The following MCM7 variants were observed in gnomAD, a reference collection of about 807,000 sequenced individuals.
The protein encoded by MCM7 is DNA replication licensing factor MCM7.
In MCM7, 95 loss-of-function variants were observed where a neutral mutation model predicts 83.5. The ratio of observed to expected loss-of-function variants is 1.14; its 90% CI spans 0.96 to 1.35. The LOEUF (loss-of-function observed/expected upper bound fraction) is 1.35. MCM7 is among the 40% of genes most tolerant of loss of function. The pLI, the probability that MCM7 is intolerant of heterozygous loss-of-function variation, is 0.00. For synonymous variants in MCM7, 461 were observed against 352.7 expected, an observed-to-expected ratio of 1.31 and a Z score of -3.44; for missense variants, 1,087 against 957.4, an observed-to-expected ratio of 1.14 and a Z score of -1.79.
In MCM7 at chr7:100,098,638, C is replaced by T; in HGVS notation, c.660G>A (p.Leu220=). 3.7e-6 allele frequency: 6 copies of T among 1,614,198 alleles called. No homozygotes were observed. The highest frequency in any genetic ancestry group is 4.2e-6 in the Non-Finnish European group (5 of 1,180,046). Residue 220 remains leucine (L), a synonymous_variant, in exon 6 of 15, where the codon CTG becomes CTA. Coordinates refer to ENST00000303887, the MANE Select transcript of MCM7 (RefSeq NM_005916.5). ...ATCTGGAGCCCCGTGTCTGCAGATA[C>T]AGCCGCCCTCCTGAGCGGTTGGTTT... is the stretch of plus-strand genomic sequence containing the variant. ...ECQTNRSGGR[L]YLQTRGSRFI...
At position 100,100,102 on chromosome 7, in the gene MCM7, T is replaced by A. The variant is rs1372123635; in HGVS notation, c.32-9A>T. ...GAACTTCTTAACCTTTTCTGTAACA[T>A]GAAATGTAAAACCGTAAGACACAAA... On this transcript the variant is annotated splice_polypyrimidine_tract_variant and intron_variant, in intron 1 of 14. Coordinates refer to ENST00000303887, the MANE Select transcript of MCM7 (RefSeq NM_005916.5). 1 of 1,613,512 alleles carries A rather than the reference T, an allele frequency of 6.2e-7. No homozygotes were observed. Among genetic ancestry groups the A allele is most frequent in the Non-Finnish European group, 8.5e-7 (1 of 1,179,702 alleles).
At chr7:100,098,908 C>T (rs374784810) in intron 5 of MCM7, 115 bp downstream of exon 5, 18 of 1,446,054 alleles carry the variant, frequency 1.2e-5, no homozygotes, top group African/African-American at 2.8e-5. Context: ...GAATGAAAGG[C>T]GAACACACAG....
chr7:100,094,149 C>G (rs1795490094), intron 13 of MCM7, 24 bp downstream of exon 13: 1 of 1,613,866 alleles, frequency 6.2e-7, no homozygotes, highest in African/African-American at 1.3e-5. Flanking sequence ...AAACAGATGG[C>G]CCTCCAGCAA....
At chr7:100,096,871 G>A (rs986612851) in intron 10 of MCM7, among the ~76,000 whole-genome samples, 4 of 152,230 alleles carry the variant, frequency 2.6e-5, no homozygotes, top group African/African-American at 4.8e-5. Context: ...GGGAGGCCGA[G>A]GCGGGCGGAT....
rs370088298 is a variant in MCM7, at chr7:100,094,161, T to C, written c.1848+12A>G. On this transcript the variant is annotated intron_variant, in intron 13 of 14. Transcript: ENST00000303887. ...TCAAAACAGATGGCCCTCCAGCAAT[T>C]TGGGCACTTACCAGAGCAGTGGAAA... 4 of 1,613,902 alleles carry C rather than the reference T, an allele frequency of 2.5e-6. No individual in the cohort carries two copies. Among genetic ancestry groups the C allele is most frequent in the African/African-American group, 2.7e-5 (2 of 74,880 alleles).
At chr7:100,098,442 C>T in intron 6 of MCM7, 136 bp downstream of exon 6, 2 of 1,497,082 alleles carry the variant, frequency 1.3e-6, no homozygotes, top group South Asian at 1.3e-5. Flanking sequence ...TCCCAAGGCT[C>T]CCAGGAAATT....
intron 13 of MCM7, 32 bp from the exon 14 acceptor site, chr7:100,093,433 C>G (rs781636530): frequency 2.5e-6 from 4 of 1,595,120 alleles, no homozygotes; most frequent in Non-Finnish European, 3.4e-6. Flanking sequence ...AAGATGGGAA[C>G]GGGAGGAGGG....
At chr7:100,095,274 T>A in intron 12 of MCM7, 113 bp downstream of exon 12, 1 of 886,188 alleles carries the variant, frequency 1.1e-6, no homozygotes, top group Non-Finnish European at 1.8e-6. Context: ...TGGACATGTC[T>A]GTAGCGGGAA....
rs1795864957 is a variant in MCM7 at position 100,099,917 on chromosome 7, C to T, written c.111+97G>A. The T allele has an allele frequency of 4.2e-6, 6 of 1,436,762 alleles. No homozygotes were observed. The African/African-American group carries it at 5.6e-5, about 13-fold the overall frequency. The allele number at this position is 1,436,762 out of a possible 1,614,324, so 89.0% of individuals were successfully genotyped here. On this transcript the variant is annotated intron_variant, in intron 2 of 14. Transcript: ENST00000303887. ...ATACTCGCTTTTCAGCCCTCAAACC[C>T]TCTAATTGTTATGTCTTTAATAAAA...
Position 100,092,866 on chromosome 7 carries a change from C to G in MCM7, c.*66G>C. 1.9e-6 allele frequency: 3 copies of G among 1,563,950 alleles called. No homozygotes were observed. The highest frequency in any genetic ancestry group is 2.6e-6 in the Non-Finnish European group (3 of 1,135,204). ...CTCCTCCTTCCCCTCAAAGGCATCA[C>G]TGCCCCTTCCCAAGGGGCAGGCCAG... On this transcript the variant is annotated 3_prime_UTR_variant, in exon 15 of 15. Transcript: ENST00000303887.
intron 1 of MCM7, chr7:100,100,645 GC>G: frequency 1.0e-6 from 1 of 989,758 alleles, no homozygotes; most frequent in Non-Finnish European, 1.2e-6. Context: ...CGCGATCCCA[GC>G]CCACTGCCGC....
In MCM7 at chr7:100,098,123, T is replaced by G. The variant is rs200384511; in HGVS notation, c.870+18A>C. On this transcript the variant is annotated intron_variant, in intron 7 of 14. Coordinates refer to ENST00000303887, the MANE Select transcript of MCM7 (RefSeq NM_005916.5). ...GGAAAAGGGGATGATCCATTCCTCA[T>G]GTCAAACTCTTCCTTACCTGTACCA... The G allele has an allele frequency of 5.0e-6, 8 of 1,613,436 alleles. No individual in the cohort carries two copies. Among genetic ancestry groups the G allele is most frequent in the Non-Finnish European group, 5.9e-6 (7 of 1,179,548 alleles).
At chr7:100,099,796 C>A (rs753854860) in intron 2 of MCM7, 43 bp from the exon 3 acceptor site, 1 of 1,607,478 alleles carries the variant, frequency 6.2e-7, no homozygotes, top group South Asian at 1.1e-5. Flanking sequence ...GCCACATTCA[C>A]TTTGCTCACC....
chr7:100,098,472 G>C, intron 6 of MCM7, 106 bp downstream of exon 6: 1 of 1,547,594 alleles, frequency 6.5e-7, no homozygotes, highest in Non-Finnish European at 8.8e-7. Flanking sequence ...CCTCCCTCCT[G>C]CACTTCCCTC....
At chr7:100,093,904 C>T (rs1228085906) in intron 13 of MCM7, 2 of 686,876 alleles carry the variant, frequency 2.9e-6, no homozygotes, top group Non-Finnish European at 2.8e-6. Flanking sequence ...GGATCTAGGA[C>T]ACATGGAGTG....
In MCM7 at chr7:100,093,348, G is replaced by A. The variant is rs1795422590; in HGVS notation, c.1902C>T (p.Ile634=). The change falls in exon 14 of 15, where the codon ATC becomes ATT. Residue 634 remains isoleucine, a synonymous_variant. Transcript: ENST00000303887. ...AGTCCTTTGACATCTCCATTAGCCT[G>A]ATGGCTTCATTCACATCTTCTTTCT... ...VVEKEDVNEA[I]RLMEMSKDSL... The A allele has an allele frequency of 1.2e-6, 2 of 1,614,122 alleles. No homozygotes were observed. Among genetic ancestry groups the A allele is most frequent in the Non-Finnish European group, 1.7e-6 (2 of 1,180,036 alleles).
intron 12 of MCM7, 136 bp from the exon 13 acceptor site, chr7:100,094,477 TAGTG>T (rs1795513581): frequency 1.1e-6 from 1 of 922,460 alleles, no homozygotes; most frequent in African/African-American, 1.7e-5. Context: ...AAACACAAAT[TAGTG>T]GGTGATTATT....
chr7:100,093,095 C>T lies in MCM7; in HGVS notation c.1997G>A (p.Arg666His), dbSNP rs1442827027. Residue 666 changes from arginine (R) to histidine (H), a missense_variant, in exon 15 of 15, where the codon CGT (arginine) becomes CAT (histidine). Transcript: ENST00000303887. ...RPADVIFATVRELVSGGRSVR... is the reference protein window; with the variant it reads ...RPADVIFATVHELVSGGRSVR... Reference sequence around the variant, plus strand: ...ACTTCGGCCCCCTGAGACCAGTTCACGGACGGTGGCAAATATCACATCTGC... The same window carrying T: ...ACTTCGGCCCCCTGAGACCAGTTCATGGACGGTGGCAAATATCACATCTGC... The T allele has an allele frequency of 3.1e-6, 5 of 1,614,134 alleles. No homozygotes were observed. The highest frequency in any genetic ancestry group is 1.7e-5 in the Admixed American group (1 of 60,012).
intron 1 of MCM7, 88 bp downstream of exon 1, chr7:100,101,176 C>G: frequency 1.3e-6 from 2 of 1,545,342 alleles, no homozygotes; most frequent in Non-Finnish European, 8.9e-7. Flanking sequence ...CCGCCGACCC[C>G]GGTCCCCCAA....
Sources: allele counts gnomAD v4.1 joint callset (sites outside exome capture counted in the v4.1 genomes callset), GRCh38; gene constraint gnomAD v4.1.1; transcripts MANE v1.5; gene names NCBI Gene and HGNC (gene_info 2026-07-23, HGNC 2026-07-21).